Variants in LIMS1 observed in about 807,000 individuals in gnomAD.
The protein encoded by LIMS1 is LIM zinc finger domain containing 1.
LIMS1 carries 18 observed loss-of-function variants against 44.1 expected under a neutral mutation model. That is an observed-to-expected ratio of 0.41 (90% confidence interval 0.28 to 0.61). The LOEUF (loss-of-function observed/expected upper bound fraction) is 0.61, where lower values mean the gene tolerates loss of function less well. LIMS1 is among the 20% of genes least tolerant of loss of function. The pLI is 0.32. For synonymous variants in LIMS1, 93 were observed against 149.1 expected (o/e 0.62, Z 2.74); for missense variants, 201 against 422.0 (o/e 0.48, Z 4.59).
chr2:108,662,554 T>G (rs967524541), intron 2 of LIMS1: 13 of 1,235,044 alleles, frequency 1.1e-5, no homozygotes, highest in Non-Finnish European at 1.4e-5. Flanking sequence ...GCTAAATTGT[T>G]TATCATTAAA....
At chr2:108,642,148 T>C (rs1428828402) in intron 1 of LIMS1, among the ~76,000 whole-genome samples, 2 of 152,202 alleles carry the variant, frequency 1.3e-5, no homozygotes, top group African/African-American at 4.8e-5. Context: ...CCATCAGTTA[T>C]GCAAATCTAT....
chr2:108,645,522 C>G (rs371356269), intron 1 of LIMS1, among the ~76,000 whole-genome samples: 2,753 of 152,160 alleles, frequency 0.018, 38 homozygotes, highest in Non-Finnish European at 0.025. Flanking sequence ...ACAACCGGTA[C>G]GAGCCACTGC....
chr2:108,581,512 A>G (rs1181540782), intron 1 of LIMS1, among the ~76,000 whole-genome samples: 2 of 152,180 alleles, frequency 1.3e-5, no homozygotes, highest in African/African-American at 2.4e-5. Flanking sequence ...AACTCTTTAA[A>G]ATTGTATTGT....
chr2:108,642,728 C>A (rs1689787353), intron 1 of LIMS1, among the ~76,000 whole-genome samples: 1 of 152,142 alleles, frequency 6.6e-6, no homozygotes, highest in African/African-American at 2.4e-5. Context: ...TTTATTCAGG[C>A]CTTAATTATT....
intron 1 of LIMS1, among the ~76,000 whole-genome samples, chr2:108,551,802 AT>A (rs1684731346): frequency 6.8e-6 from 1 of 146,242 alleles, no homozygotes. Context: ...ATATCTGTAT[AT>A]ATGTATATGA....
intron 1 of LIMS1, among the ~76,000 whole-genome samples, chr2:108,538,986 T>C (rs1252936832): frequency 6.6e-6 from 1 of 152,250 alleles, no homozygotes; most frequent in Non-Finnish European, 1.5e-5. Context: ...ACAGTGTACA[T>C]GTGATATGAT....
At chr2:108,664,484 G>A (rs1035626303) in intron 2 of LIMS1, among the ~76,000 whole-genome samples, 2 of 152,180 alleles carry the variant, frequency 1.3e-5, no homozygotes, top group Non-Finnish European at 2.9e-5. Context: ...AAACAATTTG[G>A]ACCATACTAA....
chr2:108,686,169 A>G (rs1248815177), exon 10 of LIMS1: 1 of 151,848 alleles, frequency 6.6e-6, no homozygotes, highest in Non-Finnish European at 1.5e-5. Flanking sequence ...CTACAAAAAA[A>G]TTAGCCGGGC....
chr2:108,551,228 G>A (rs1684679669), intron 1 of LIMS1, among the ~76,000 whole-genome samples: 1 of 150,834 alleles, frequency 6.6e-6, no homozygotes, highest in Non-Finnish European at 1.5e-5. Context: ...TATTTATACA[G>A]TTGCACAACC....
chr2:108,573,676 C>T (rs796805138), intron 1 of LIMS1, among the ~76,000 whole-genome samples: 6 of 152,266 alleles, frequency 3.9e-5, no homozygotes, highest in African/African-American at 1.4e-4. Flanking sequence ...CTTCATGGTG[C>T]TCATGTCCTT....
At position 108,588,671 on chromosome 2, in the gene LIMS1, T is replaced by A. The variant is rs143226737; in HGVS notation, c.32+54077T>A. On this transcript the variant is annotated intron_variant, in intron 1 of 9. Transcript: ENST00000544547. ...GATTTGTTTTCCTTATGACCTACCT[T>A]TCTCAGTTATTTAAGAAGCAAATCT... The A allele has an allele frequency of 5.5e-4, 492 of 886,602 alleles. 3 individuals carry two copies. The South Asian group carries it at 9.4e-3, about 17-fold the overall frequency. The allele number at this position is 886,602 out of a possible 1,614,324, so 54.9% of individuals were successfully genotyped here. A position where few individuals can be genotyped will look rare whatever the true frequency, so the allele number is the denominator to read the frequency against.
intron 1 of LIMS1, among the ~76,000 whole-genome samples, chr2:108,597,133 T>G (rs1300345959): frequency 2.0e-5 from 3 of 151,892 alleles, no homozygotes; most frequent in Admixed American, 1.3e-4. Context: ...GATCTCGAAC[T>G]CCTGACCTCA....
chr2:108,652,327 C>T (rs1690553849), intron 1 of LIMS1, among the ~76,000 whole-genome samples: 1 of 152,282 alleles, frequency 6.6e-6, no homozygotes, highest in Non-Finnish European at 1.5e-5. Flanking sequence ...GTGAAACAAA[C>T]TATGCATCCA....
At chr2:108,558,282 A>G (rs913578688) in intron 1 of LIMS1, among the ~76,000 whole-genome samples, 9 of 151,588 alleles carry the variant, frequency 5.9e-5, no homozygotes, top group East Asian at 1.9e-4. Flanking sequence ...CAGTGGCACA[A>G]TCTTGGCTCA....
intron 1 of LIMS1, among the ~76,000 whole-genome samples, chr2:108,656,798 T>C (rs1156980510): frequency 8.1e-6 from 1 of 123,538 alleles, no homozygotes; most frequent in Non-Finnish European, 1.7e-5. Context: ...CAATCTATAT[T>C]ATAATGAGTT....
At chr2:108,637,648 C>T (rs1453850938) in intron 1 of LIMS1, among the ~76,000 whole-genome samples, 3 of 152,176 alleles carry the variant, frequency 2.0e-5, no homozygotes, top group East Asian at 3.8e-4. Flanking sequence ...ACAGCTTCCT[C>T]TAATTTGTCT....
At chr2:108,566,939 A>G (rs933928089) in intron 1 of LIMS1, among the ~76,000 whole-genome samples, 2 of 152,042 alleles carry the variant, frequency 1.3e-5, no homozygotes, top group Admixed American at 1.3e-4. Context: ...GGTGTTAAGT[A>G]TGTTTATATT....
At chr2:108,616,197 C>CTTTTTTTTT (rs1159229290) in intron 1 of LIMS1, among the ~76,000 whole-genome samples, 8 of 71,942 alleles carry the variant, frequency 1.1e-4, no homozygotes, top group East Asian at 5.5e-4. Context: ...TTTGCATGGG[C>CTTTTTTTTT]TTTTTTTTTT....
chr2:108,618,811 A>C (rs184798165), intron 1 of LIMS1, among the ~76,000 whole-genome samples: 1,725 of 142,834 alleles, frequency 0.012, 39 homozygotes, highest in African/African-American at 0.044. Context: ...GCGACAGAGC[A>C]AGACTCCGTC....
Sources: gnomAD v4.1 joint callset for allele counts (sites outside exome capture counted in the v4.1 genomes callset) on GRCh38, gnomAD v4.1.1 for gene constraint, MANE v1.5 for transcripts, NCBI Gene and HGNC (gene_info 2026-07-23, HGNC 2026-07-21) for gene names.